CEP112: variants seen among roughly 807,000 people sequenced by gnomAD.
CEP112 encodes centrosomal protein 112.
In CEP112, 127 loss-of-function variants were observed where a neutral mutation model predicts 153.0. The observed-to-expected ratio is 0.83, with a 90% CI of 0.72 to 0.96. CEP112 has a LOEUF of 0.96. Ranked by LOEUF, CEP112 falls within the 40% of genes least tolerant of loss-of-function variation. The pLI, the probability that CEP112 is intolerant of heterozygous loss-of-function variation, is 0.00. For missense variants in CEP112, 1,089 were observed against 1,101.2 expected (o/e 0.99, Z 0.16); for synonymous variants, 358 against 374.4 (o/e 0.96, Z 0.51).
chr17:65,650,227 C>G (rs2045671945), intron 24 of CEP112, among the ~76,000 whole-genome samples: 1 of 152,162 alleles, frequency 6.6e-6, no homozygotes, highest in Non-Finnish European at 1.5e-5. Context: ...GGGGCCCCTG[C>G]TCTGTGGTGA....
chr17:65,640,308 C>T (rs2045060558), intron 25 of CEP112, among the ~76,000 whole-genome samples: 1 of 151,574 alleles, frequency 6.6e-6, no homozygotes, highest in African/African-American at 2.4e-5. Flanking sequence ...CACGGGCCAC[C>T]ACGCCCCGCT....
intron 21 of CEP112, among the ~76,000 whole-genome samples, chr17:65,763,388 C>T (rs1304005865): frequency 2.0e-5 from 3 of 151,908 alleles, no homozygotes; most frequent in African/African-American, 7.3e-5. Flanking sequence ...GTCTTTATTT[C>T]ATTAAATATT....
intron 24 of CEP112, among the ~76,000 whole-genome samples, chr17:65,659,421 C>T (rs1051605764): frequency 4.6e-5 from 7 of 152,188 alleles, no homozygotes; most frequent in African/African-American, 1.7e-4. Flanking sequence ...TTTGAGAAGG[C>T]ATGTCTTGCC....
intron 16 of CEP112, among the ~76,000 whole-genome samples, chr17:66,013,211 T>C (rs542392489): frequency 6.6e-6 from 1 of 152,300 alleles, no homozygotes. Context: ...TAGTCTAAAT[T>C]CTACTTCTAC....
rs115325437 is a variant in CEP112, at chr17:65,878,193, A to G, written c.2163+23959T>C. Among the ~76,000 whole-genome samples, 481 of 151,458 alleles carry G rather than the reference A, an allele frequency of 3.2e-3. 1 individual carries two copies. The highest frequency in any genetic ancestry group is 0.011 in the African/African-American group (454 of 41,168). ...GTAGATCTTACCTGTTCTCATTGCAAAAAAAGAAGGAAGGAAGGAAGGGAG... is the reference window on the plus strand; with the variant it reads ...GTAGATCTTACCTGTTCTCATTGCAGAAAAAGAAGGAAGGAAGGAAGGGAG... On this transcript the variant is annotated intron_variant, in intron 20 of 26. Transcript: ENST00000535342.
At chr17:66,183,786 T>C (rs149744479) in intron 1 of CEP112, among the ~76,000 whole-genome samples, 5,188 of 152,136 alleles carry the variant, frequency 0.034, 131 homozygotes, top group Middle Eastern at 0.061. Flanking sequence ...AAAAAAGAAC[T>C]TCAACCTAAA....
chr17:66,070,085 TA>T (rs34392989), intron 8 of CEP112, 84 bp from the exon 9 acceptor site: 1 of 722,128 alleles, frequency 1.4e-6, no homozygotes, highest in Non-Finnish European at 2.3e-6. Flanking sequence ...TAATTCCCTA[TA>T]AAAAAGACAG....
At chr17:65,686,113 C>CTTTT (rs35816434) in intron 24 of CEP112, among the ~76,000 whole-genome samples, 18 of 104,316 alleles carry the variant, frequency 1.7e-4, no homozygotes, top group Non-Finnish European at 2.5e-4. Flanking sequence ...AAACAACTGG[C>CTTTT]TTTTTTTTTT....
Position 65,831,734 on chromosome 17 carries a change from CT to C in CEP112, c.2394+20069del, listed in dbSNP as rs1335609065. On this transcript the variant is annotated intron_variant, in intron 21 of 26. Transcript: ENST00000535342. ...AATACAATAATAGAACTGAAAAACTCTTTTGAAAGTTTCAACAGCAGACTTG... is the reference window on the plus strand; with the variant it reads ...AATACAATAATAGAACTGAAAAACTCTTTGAAAGTTTCAACAGCAGACTTG... Among the ~76,000 whole-genome samples the C allele has an allele frequency of 7.9e-5, 12 of 152,144 alleles. No homozygotes were observed. In the East Asian group the frequency reaches 2.3e-3, roughly 29 times the overall value.
intron 23 of CEP112, among the ~76,000 whole-genome samples, chr17:65,714,690 G>A (rs1270121289): frequency 6.6e-6 from 1 of 152,026 alleles, no homozygotes; most frequent in Admixed American, 6.6e-5. Flanking sequence ...CAACAGTATT[G>A]TATTATTATT....
chr17:65,862,935 C>A (rs1568132108), intron 20 of CEP112, among the ~76,000 whole-genome samples: 1 of 151,958 alleles, frequency 6.6e-6, no homozygotes, highest in Non-Finnish European at 1.5e-5. Context: ...TATTACATGG[C>A]TTCATTATTC....
intron 17 of CEP112, among the ~76,000 whole-genome samples, chr17:65,998,287 G>A (rs1734148754): frequency 6.6e-6 from 1 of 151,640 alleles, no homozygotes; most frequent in Non-Finnish European, 1.5e-5. Context: ...GGAAACTGGG[G>A]TGGGAGGATC....
In CEP112 at chr17:66,065,472, A is replaced by ACTC. The variant is rs150029587; in HGVS notation, c.955+1303_955+1305dup. On this transcript the variant is annotated intron_variant, in intron 10 of 26. Transcript: ENST00000535342. ...TCAATACACCCTCCATTACCAGGCTACTCCTCCCAAAACATGAGGTCCTAA... is the reference window on the plus strand; with the variant it reads ...TCAATACACCCTCCATTACCAGGCTACTCCTCCTCCCAAAACATGAGGTCCTAA... Among the ~76,000 whole-genome samples, 961 of 152,004 alleles carry ACTC rather than the reference A, an allele frequency of 6.3e-3. 12 individuals carry two copies. Among genetic ancestry groups the ACTC allele is most frequent in the African/African-American group, 0.022 (910 of 41,438 alleles).
Position 66,029,960 on chromosome 17 carries a change from T to C in CEP112, c.1282A>G (p.Asn428Asp), listed in dbSNP as rs755756730. ...TGAATTAATTTCTGCCTCTGTAAATTACTGTTCTCTGCTTCTCCAGTCAGC... is the reference window on the plus strand; with the variant it reads ...TGAATTAATTTCTGCCTCTGTAAATCACTGTTCTCTGCTTCTCCAGTCAGC... ...QQLTGEAENS[N>D]LQRQKLIQEK... The change falls in exon 13 of 27, where the codon AAT becomes GAT. Residue 428 changes from asparagine (N) to aspartate (D), a missense_variant. Coordinates refer to ENST00000535342, the MANE Select transcript of CEP112 (RefSeq NM_001199165.4). 8 of 1,613,862 alleles carry C rather than the reference T, an allele frequency of 5.0e-6. No individual in the cohort carries two copies. The South Asian group carries it at 8.8e-5, about 18-fold the overall frequency.
chr17:65,843,409 A>T (rs1218641204), intron 21 of CEP112, among the ~76,000 whole-genome samples: 4 of 152,216 alleles, frequency 2.6e-5, no homozygotes, highest in Admixed American at 2.6e-4. Context: ...ATTTAATTTA[A>T]AGTTTAAGGA....
intron 21 of CEP112, among the ~76,000 whole-genome samples, chr17:65,788,804 C>G (rs62065067): frequency 7.2e-5 from 11 of 152,090 alleles, no homozygotes; most frequent in Non-Finnish European, 1.3e-4. Flanking sequence ...TTTTACTAGT[C>G]TTTTCAAAGG....
intron 17 of CEP112, among the ~76,000 whole-genome samples, chr17:65,986,696 C>CA (rs1212341083): frequency 1.1e-5 from 1 of 87,330 alleles, no homozygotes; most frequent in Admixed American, 8.8e-5. Flanking sequence ...TTCAAAAAAT[C>CA]AAAGACTTAT....
At chr17:66,019,671 A>G (rs1253994725) in intron 16 of CEP112, among the ~76,000 whole-genome samples, 1 of 152,240 alleles carries the variant, frequency 6.6e-6, no homozygotes, top group African/African-American at 2.4e-5. Flanking sequence ...CAGTGAAAAC[A>G]ACTAATATAC....
At chr17:65,933,577 T>C (rs1227069203) in intron 18 of CEP112, among the ~76,000 whole-genome samples, 1 of 152,192 alleles carries the variant, frequency 6.6e-6, no homozygotes, top group African/African-American at 2.4e-5. Context: ...AAGAATACTC[T>C]ACCTGGCAAA....
Sources: gnomAD v4.1 joint callset for allele counts (sites outside exome capture counted in the v4.1 genomes callset) on GRCh38, gnomAD v4.1.1 for gene constraint, MANE v1.5 for transcripts, NCBI Gene and HGNC (gene_info 2026-07-23, HGNC 2026-07-21) for gene names.